Variants in OR8B3 observed in about 807,000 individuals in gnomAD.
The protein encoded by OR8B3 is olfactory receptor family 8 subfamily B member 3.
For synonymous variants in OR8B3, 102 were observed against 135.4 expected (o/e 0.75, Z 1.71); for missense variants, 278 against 377.6 (o/e 0.74, Z 2.19).
rs190116073 is a variant in OR8B3, at chr11:124,395,650, T to G, written c.*760A>C. 2.4e-3 allele frequency: 373 copies of G among 152,292 alleles called. No individual in the cohort carries two copies. The highest frequency in any genetic ancestry group is 8.4e-3 in the African/African-American group (348 of 41,570). The allele number at this position is 152,292 out of a possible 1,614,324, so 9.4% of individuals were successfully genotyped here. A position where few individuals can be genotyped will look rare whatever the true frequency, so the allele number is the denominator to read the frequency against. ...CTTTTTTCAAAATTTTCAATGCTGT[T>G]TTAGATAGCAATGAATGAAAGTTTT... On this transcript the variant is annotated 3_prime_UTR_variant, in exon 2 of 2. Coordinates refer to ENST00000641139, the MANE Select transcript of OR8B3 (RefSeq NM_001005467.2).
rs1427911858 is a variant in OR8B3, at chr11:124,396,991, C to T, written c.361G>A (p.Asp121Asn). The change falls in exon 2 of 2, where the codon GAT (aspartate) becomes AAT (asparagine). Residue 121 changes from aspartate to asparagine, a missense_variant. Physicochemically the swap from Asp to Asn is conservative, Grantham distance 23. Transcript: ENST00000641139. ...GGATTACAGATGGCCACATAGCGAT[C>T]ATATGCCATTGAGGTCAACATGTAA... ...ECYMLTSMAY[D>N]RYVAICNPLL... 11 of 1,613,708 alleles carry T rather than the reference C, an allele frequency of 6.8e-6. No homozygotes were observed. The East Asian group carries it at 2.2e-4, about 33-fold the overall frequency.
chr11:124,408,369 C>G, the OR8B3 span, among the ~76,000 whole-genome samples: 1 of 152,160 alleles, frequency 6.6e-6, no homozygotes, highest in Admixed American at 6.5e-5. Flanking sequence ...AGTACTCAGT[C>G]TTCAACCATT....
At chr11:124,405,304 T>A in the OR8B3 span, among the ~76,000 whole-genome samples, 1 of 152,014 alleles carries the variant, frequency 6.6e-6, no homozygotes, top group Non-Finnish European at 1.5e-5. Flanking sequence ...TTCCCTCTTC[T>A]CTCCCTCCCC....
chr11:124,408,971 G>T, the OR8B3 span, among the ~76,000 whole-genome samples: 3,940 of 152,278 alleles, frequency 0.026, 154 homozygotes, highest in African/African-American at 0.088. Context: ...TACCTCTGCT[G>T]CTGCCATACA....
At chr11:124,397,699 C>CT (rs753969066) in intron 1 of OR8B3, among the ~76,000 whole-genome samples, 1,447 of 141,888 alleles carry the variant, frequency 0.01, 6 homozygotes, top group Non-Finnish European at 0.012. Context: ...TTCCTAGTTT[C>CT]TTTTTTTTTT....
rs1233481562 is a variant in OR8B3, at chr11:124,399,013, C to G, written c.-341G>C. On this transcript the variant is annotated 5_prime_UTR_variant, in exon 1 of 2. Transcript: ENST00000641139. ...AATTCTTTTGGACCTGATTACATATCCCCCAGTAAGTCTCTCTCAGGACCT... is the reference window on the plus strand; with the variant it reads ...AATTCTTTTGGACCTGATTACATATGCCCCAGTAAGTCTCTCTCAGGACCT... 1.3e-5 allele frequency: 2 copies of G among 152,122 alleles called. No individual in the cohort carries two copies. The highest frequency in any genetic ancestry group is 4.8e-5 in the African/African-American group (2 of 41,420). 9.4% of individuals were successfully genotyped at this position (152,122 alleles called of 1,614,324 possible).
the OR8B3 span, among the ~76,000 whole-genome samples, chr11:124,408,890 G>C: frequency 6.6e-6 from 1 of 152,192 alleles, no homozygotes; most frequent in Non-Finnish European, 1.5e-5. Flanking sequence ...GCAATTAGAA[G>C]TAGGTATAAA....
In OR8B3 at chr11:124,396,859, T is replaced by C. The variant is rs143682784; in HGVS notation, c.493A>G (p.Arg165Gly). The C allele has an allele frequency of 4.5e-5, 73 of 1,609,660 alleles. No individual in the cohort carries two copies. The highest frequency in any genetic ancestry group is 1.6e-4 in the Middle Eastern group (1 of 6,068). The change falls in exon 2 of 2, where the codon AGA (arginine) becomes GGA (glycine). Residue 165 changes from arginine to glycine, a missense_variant. Physicochemically the swap from Arg to Gly is moderately radical, Grantham distance 125. Coordinates refer to ENST00000641139, the MANE Select transcript of OR8B3 (RefSeq NM_001005467.2). ...ATATTAGCACTGCAGAAGGTGAGTCTAAGCATGCACCCGGTGTGGGCCGTG... is the reference window on the plus strand; with the variant it reads ...ATATTAGCACTGCAGAAGGTGAGTCCAAGCATGCACCCGGTGTGGGCCGTG... ...GATAHTGCMLRLTFCSANIIN... is the reference protein window; with the variant it reads ...GATAHTGCMLGLTFCSANIIN...
the OR8B3 span, among the ~76,000 whole-genome samples, chr11:124,408,009 A>C: frequency 6.6e-6 from 1 of 152,090 alleles, no homozygotes; most frequent in African/African-American, 2.4e-5. Flanking sequence ...CACATCTTTC[A>C]TTAAATTTAT....
At chr11:124,397,392 A>G (rs751565153) in intron 1 of OR8B3, 24 bp from the exon 2 acceptor site, 6 of 882,606 alleles carry the variant, frequency 6.8e-6, no homozygotes, top group African/African-American at 1.8e-5. Flanking sequence ...AGAAAATTCT[A>G]TTAGGAACAC....
chr11:124,406,634 G>A, the OR8B3 span, among the ~76,000 whole-genome samples: 828 of 152,126 alleles, frequency 5.4e-3, 3 homozygotes, highest in African/African-American at 0.019. Context: ...CAGGCTTCAT[G>A]TCCCAGAGAA....
chr11:124,409,203 C>G, the OR8B3 span, among the ~76,000 whole-genome samples: 8 of 152,198 alleles, frequency 5.3e-5, no homozygotes, highest in Non-Finnish European at 7.4e-5. Context: ...GCAATCACTT[C>G]GAATGAAAAG....
In OR8B3 at chr11:124,398,670, T is replaced by C. The variant is rs544175253; in HGVS notation, c.-18+20A>G. 5.9e-5 allele frequency: 9 copies of C among 152,258 alleles called. No homozygotes were observed. The highest frequency in any genetic ancestry group is 1.9e-4 in the African/African-American group (8 of 41,548). 9.4% of individuals were successfully genotyped at this position (152,258 alleles called of 1,614,324 possible). On this transcript the variant is annotated intron_variant, in intron 1 of 1. Coordinates refer to ENST00000641139, the MANE Select transcript of OR8B3 (RefSeq NM_001005467.2). ...TTCAGCAACATCCAGGAGAGAGAAATAGAAACTTGATTAACTCACCTTCCT... is the reference window on the plus strand; with the variant it reads ...TTCAGCAACATCCAGGAGAGAGAAACAGAAACTTGATTAACTCACCTTCCT...
In OR8B3 at chr11:124,396,679, T is replaced by A. The variant is rs770188505; in HGVS notation, c.673A>T (p.Ile225Phe). 5.0e-6 allele frequency: 8 copies of A among 1,613,718 alleles called. No individual in the cohort carries two copies. The South Asian group carries it at 6.6e-5, about 13-fold the overall frequency. The change falls in exon 2 of 2, where the codon ATT becomes TTT. Residue 225 changes from isoleucine to phenylalanine, a missense_variant. Transcript: ENST00000641139. The stretch of plus-strand genomic sequence containing the variant: ...CCTTGAGTGGATTTGATATGAAGAA[T>A]GCTAGTGACAATGAAAACATAAGAA... ...LISYVFIVTS[I>F]LHIKSTQGRS...
At chr11:124,401,222 C>CAGAGAGAGAGAGAGACAG (rs1555071082), upstream of OR8B3, among the ~76,000 whole-genome samples, 1 of 142,398 alleles carries the variant, frequency 7.0e-6, no homozygotes, top group African/African-American at 2.7e-5. Context: ...TGCAAAGAGA[C>CAGAGAGAGAGAGAGACAG]AGAGAGAGAG....
the OR8B3 span, among the ~76,000 whole-genome samples, chr11:124,408,111 T>C: frequency 1.3e-4 from 20 of 152,328 alleles, no homozygotes; most frequent in African/African-American, 4.6e-4. Context: ...ACACAGTTGA[T>C]TTATGTTTGA....
chr11:124,396,558 C>A lies in OR8B3; in HGVS notation c.794G>T (p.Gly265Val), dbSNP rs781631078. ...AGAAACTTTTCCCTGCTCCATAGAT[C>A]CAGAAGAATATTTAATATACATGAA... ...AAFMYIKYSS[G>V]SMEQGKVSSV... is the part of the protein sequence containing the mutation. Residue 265 changes from glycine to valine, a missense_variant, in exon 2 of 2, where the codon GGA (glycine) becomes GTA (valine). By Grantham distance (109) the Gly-to-Val change is moderately radical (BLOSUM62 -3). Transcript: ENST00000641139. 6.8e-6 allele frequency: 11 copies of A among 1,613,322 alleles called. No homozygotes were observed. The South Asian group carries it at 7.7e-5, about 11-fold the overall frequency.
the OR8B3 span, among the ~76,000 whole-genome samples, chr11:124,406,573 C>A: frequency 1.3e-5 from 2 of 152,100 alleles, no homozygotes; most frequent in Non-Finnish European, 2.9e-5. Flanking sequence ...ATTTTCATGA[C>A]CACCCAGGTT....
At chr11:124,402,623 G>A (rs185198790), upstream of OR8B3, among the ~76,000 whole-genome samples, 5 of 152,198 alleles carry the variant, frequency 3.3e-5, no homozygotes, top group East Asian at 1.9e-4. Flanking sequence ...TTTGTCTTTC[G>A]TAAAATGTGA....
Sources: allele counts gnomAD v4.1 joint callset (sites outside exome capture counted in the v4.1 genomes callset), GRCh38; gene constraint gnomAD v4.1.1; transcripts MANE v1.5; gene names NCBI Gene and HGNC (gene_info 2026-07-23, HGNC 2026-07-21).